Variants in GOLM2 observed in about 807,000 individuals in gnomAD.
GOLM2 encodes the protein protein GOLM2.
A neutral mutation model predicts 55.9 loss-of-function variants in GOLM2; 26 were observed. The ratio of observed to expected loss-of-function variants is 0.47; its 90% confidence interval spans 0.34 to 0.65. The LOEUF is 0.65. Ranked by LOEUF, GOLM2 falls within the 30% of genes least tolerant of loss-of-function variation. The probability of loss-of-function intolerance (pLI) is 0.01; values close to 1 mark genes in which losing one functional copy is unlikely to be tolerated. For synonymous variants in GOLM2, 165 were observed against 194.6 expected, an observed-to-expected ratio of 0.85 and a Z score of 1.27; for missense variants, 486 against 531.8, an observed-to-expected ratio of 0.91 and a Z score of 0.85.
intron 9 of GOLM2, chr15:44,406,609 A>G (rs1458070737): frequency 1.3e-5 from 2 of 152,148 alleles, no homozygotes; most frequent in Non-Finnish European, 2.9e-5. Context: ...TATGTTTCAG[A>G]TTTCAGGATG....
At chr15:44,328,639 A>G in intron 2 of GOLM2, 46 bp from the exon 3 acceptor site, 1 of 1,324,420 alleles carries the variant, frequency 7.6e-7, no homozygotes, top group Admixed American at 2.0e-5. Flanking sequence ...AGGAAGCATT[A>G]CAATGAGTGA....
intron 1 of GOLM2, among the ~76,000 whole-genome samples, chr15:44,290,825 G>C (rs1471181540): frequency 1.3e-5 from 2 of 152,070 alleles, no homozygotes; most frequent in African/African-American, 4.8e-5. Flanking sequence ...TTTTGAGACG[G>C]AGTTTTGTTT....
Position 44,362,887 on chromosome 15 carries a change from C to T in GOLM2, c.803-16803C>T, listed in dbSNP as rs1028664168. Among the ~76,000 whole-genome samples the T allele has an allele frequency of 2.5e-4, 38 of 152,206 alleles. 2 individuals are homozygous for T. The highest frequency in any genetic ancestry group is 7.7e-4 in the African/African-American group (32 of 41,516). On this transcript the variant is annotated intron_variant, in intron 6 of 9. Coordinates refer to ENST00000299957, the MANE Select transcript of GOLM2 (RefSeq NM_138423.4). Reference sequence around the variant, plus strand: ...AGAACAGAGCCCTCAGAAATAACGCCGCATATCTACAGCTATCTGATCTTT... The same window carrying T: ...AGAACAGAGCCCTCAGAAATAACGCTGCATATCTACAGCTATCTGATCTTT...
At chr15:44,379,891 A>G (rs2079390910) in intron 7 of GOLM2, 103 bp downstream of exon 7, 1 of 576,866 alleles carries the variant, frequency 1.7e-6, no homozygotes, top group Admixed American at 3.0e-5. Context: ...GTGAAATAGC[A>G]TTTATTCTTT....
intron 4 of GOLM2, among the ~76,000 whole-genome samples, chr15:44,332,824 T>G (rs894518259): frequency 6.6e-6 from 1 of 151,570 alleles, no homozygotes; most frequent in Non-Finnish European, 1.5e-5. Context: ...ATACTTTTTT[T>G]GGGGGGGGCA....
chr15:44,342,064 T>G (rs1223610977), intron 6 of GOLM2, among the ~76,000 whole-genome samples: 1 of 152,116 alleles, frequency 6.6e-6, no homozygotes, highest in Non-Finnish European at 1.5e-5. Flanking sequence ...TCATATCTGA[T>G]TTTTACAATG....
intron 6 of GOLM2, among the ~76,000 whole-genome samples, chr15:44,373,585 C>G (rs1330375883): frequency 6.8e-6 from 1 of 148,062 alleles, no homozygotes; most frequent in African/African-American, 2.5e-5. Flanking sequence ...GAAACCCTGT[C>G]TCTACTAAAA....
At chr15:44,309,005 C>A (rs2078856757) in intron 1 of GOLM2, among the ~76,000 whole-genome samples, 1 of 152,134 alleles carries the variant, frequency 6.6e-6, no homozygotes, top group Non-Finnish European at 1.5e-5. Context: ...AGAAGACATA[C>A]AAGTGGCCAA....
Position 44,320,538 on chromosome 15 carries a change from C to G in GOLM2, c.328-2427C>G, listed in dbSNP as rs533615423. Among the ~76,000 whole-genome samples, 15 of 152,248 alleles carry G rather than the reference C, an allele frequency of 9.9e-5. No homozygotes were observed. The East Asian group carries it at 2.7e-3, about 27-fold the overall frequency. ...CAGGCTGGTCTTGAACTGCTGGCCTCAAGTGATCCTCTTGCTTTGGCCTTC... is the reference window on the plus strand; with the variant it reads ...CAGGCTGGTCTTGAACTGCTGGCCTGAAGTGATCCTCTTGCTTTGGCCTTC... On this transcript the variant is annotated intron_variant, in intron 1 of 9. Transcript: ENST00000299957.
intron 8 of GOLM2, among the ~76,000 whole-genome samples, chr15:44,384,482 C>T (rs1261485878): frequency 6.6e-6 from 1 of 152,088 alleles, no homozygotes; most frequent in Non-Finnish European, 1.5e-5. Context: ...CACGGTGACT[C>T]AAGCCTGTAA....
At position 44,408,105 on chromosome 15, in the gene GOLM2, A is replaced by C. The variant is rs576042669; in HGVS notation, c.1240+5051A>C. Among the ~76,000 whole-genome samples the C allele has an allele frequency of 2.3e-3, 343 of 152,256 alleles. 1 individual carries two copies. The highest frequency in any genetic ancestry group is 8.2e-3 in the African/African-American group (339 of 41,544). ...TTCTTGACTTCAGAGGGAATTTAGG[A>C]ATTATTTAATAAACTATGGATATCT... On this transcript the variant is annotated intron_variant, in intron 9 of 9. Transcript: ENST00000299957.
chr15:44,390,721 C>T (rs761323903), intron 8 of GOLM2, among the ~76,000 whole-genome samples: 2 of 152,136 alleles, frequency 1.3e-5, no homozygotes, highest in Non-Finnish European at 2.9e-5. Flanking sequence ...AGGCATGCAC[C>T]ACCACGCCCG....
intron 6 of GOLM2, among the ~76,000 whole-genome samples, chr15:44,357,467 A>G (rs1038373826): frequency 2.0e-5 from 3 of 152,242 alleles, no homozygotes; most frequent in African/African-American, 7.2e-5. Flanking sequence ...ATGAGAAACT[A>G]GAAGTTTTCC....
At chr15:44,302,971 C>T (rs1023962033) in intron 1 of GOLM2, among the ~76,000 whole-genome samples, 54 of 152,106 alleles carry the variant, frequency 3.6e-4, no homozygotes, top group African/African-American at 1.3e-3. Context: ...GGCGTAGTGG[C>T]GGACGCCTGT....
At chr15:44,339,315 G>C (rs2079076438) in intron 6 of GOLM2, among the ~76,000 whole-genome samples, 1 of 152,088 alleles carries the variant, frequency 6.6e-6, no homozygotes, top group Non-Finnish European at 1.5e-5. Context: ...AGACAATGAA[G>C]TAATCCAGTG....
Position 44,289,246 on chromosome 15 carries a change from T to G in GOLM2, c.217T>G (p.Leu73Val). ...LEKRNSDLLL[L>V]VDTHKKQIDQ... Reference sequence around the variant, plus strand: ...AAAGCGCAATTCGGACCTCTTGCTGTTGGTGGACACGCACAAGAAACAGAT... The same window carrying G: ...AAAGCGCAATTCGGACCTCTTGCTGGTGGTGGACACGCACAAGAAACAGAT... Residue 73 changes from leucine (L) to valine (V), a missense_variant, in exon 1 of 10, where the codon TTG (leucine) becomes GTG (valine). Coordinates refer to ENST00000299957, the MANE Select transcript of GOLM2 (RefSeq NM_138423.4). The surrounding 1 kb of genome is among the most constrained non-coding windows in gnomAD (Gnocchi z 4.8). The G allele has an allele frequency of 1.9e-6, 3 of 1,614,132 alleles. No homozygotes were observed. The highest frequency in any genetic ancestry group is 2.5e-6 in the Non-Finnish European group (3 of 1,180,016).
At chr15:44,331,866 TCCAGCCCAC>T in intron 3 of GOLM2, 113 bp from the exon 4 acceptor site, 1 of 660,602 alleles carries the variant, frequency 1.5e-6, no homozygotes, top group African/African-American at 1.9e-5. Flanking sequence ...CTCTGTTTTT[TCCAGCCCAC>T]TCTCCCCTGC....
intron 1 of GOLM2, among the ~76,000 whole-genome samples, chr15:44,300,566 C>G (rs1268699595): frequency 6.6e-6 from 1 of 152,140 alleles, no homozygotes; most frequent in Non-Finnish European, 1.5e-5. Context: ...AAAGGACATT[C>G]AAGGAGCTCC....
rs1460822661 is a variant in GOLM2, at chr15:44,415,040, G to A, written c.*1634G>A. 1 of 152,580 alleles carries A rather than the reference G, an allele frequency of 6.6e-6. No homozygotes were observed. Among genetic ancestry groups the A allele is most frequent in the Non-Finnish European group, 1.5e-5 (1 of 68,036 alleles). The allele number at this position is 152,580 out of a possible 1,614,324, so 9.5% of individuals were successfully genotyped here. Reference sequence around the variant, plus strand: ...ATAAACATGAAATGTGTTTTCCCCTGTGTACTAACACATTCTAGGCAAAAT... The same window carrying A: ...ATAAACATGAAATGTGTTTTCCCCTATGTACTAACACATTCTAGGCAAAAT... On this transcript the variant is annotated 3_prime_UTR_variant, in exon 10 of 10. Transcript: ENST00000299957.
Sources: allele counts gnomAD v4.1 joint callset (sites outside exome capture counted in the v4.1 genomes callset), GRCh38; gene constraint gnomAD v4.1.1; non-coding constraint Gnocchi (gnomAD v3.1); transcripts MANE v1.5; gene names NCBI Gene and HGNC (gene_info 2026-07-23, HGNC 2026-07-21).